SLC22A3: variants seen among roughly 807,000 people sequenced by gnomAD.
SLC22A3 encodes solute carrier family 22 member 3.
Under a neutral mutation model 59.1 loss-of-function variants are expected in SLC22A3, and 51 were observed. The observed-to-expected ratio is 0.86, with a 90% CI of 0.69 to 1.09. SLC22A3 has a LOEUF of 1.09. Ranked by LOEUF, SLC22A3 falls within the 50% of genes least tolerant of loss-of-function variation. The pLI, the probability that SLC22A3 is intolerant of heterozygous loss-of-function variation, is 0.00. For missense variants in SLC22A3, 711 were observed against 726.3 expected, an observed-to-expected ratio of 0.98 and a Z score of 0.24; for synonymous variants, 325 against 292.0, an observed-to-expected ratio of 1.11 and a Z score of -1.15.
At chr6:160,397,366 G>T (rs1244531728) in intron 1 of SLC22A3, among the ~76,000 whole-genome samples, 3 of 151,934 alleles carry the variant, frequency 2.0e-5, no homozygotes, top group Non-Finnish European at 4.4e-5. Context: ...GTGCGGTCTG[G>T]TTCCTAACAG....
intron 9 of SLC22A3, among the ~76,000 whole-genome samples, 153 bp from the exon 10 acceptor site, chr6:160,447,566 G>A (rs1459026064): frequency 6.6e-6 from 1 of 152,164 alleles, no homozygotes; most frequent in African/African-American, 2.4e-5. Flanking sequence ...GCTGTGGTAA[G>A]GGAGAGCTGG....
At chr6:160,426,035 T>C (rs1787938431) in intron 5 of SLC22A3, 46 of 985,318 alleles carry the variant, frequency 4.7e-5, no homozygotes, top group Admixed American at 6.2e-5. Context: ...AACAATGAGT[T>C]ACCATGTGCA....
intron 1 of SLC22A3, among the ~76,000 whole-genome samples, chr6:160,372,594 C>T (rs1334917250): frequency 6.6e-6 from 1 of 151,930 alleles, no homozygotes; most frequent in Non-Finnish European, 1.5e-5. Flanking sequence ...GAGTGTTTTC[C>T]AACTTGGATC....
intron 1 of SLC22A3, among the ~76,000 whole-genome samples, chr6:160,354,424 C>T (rs1288402898): frequency 6.6e-6 from 1 of 152,108 alleles, no homozygotes; most frequent in Non-Finnish European, 1.5e-5. Context: ...ACCCTTAAGC[C>T]AGGTGGGAGT....
chr6:160,404,897 G>C (rs1235703444), intron 2 of SLC22A3, among the ~76,000 whole-genome samples: 1 of 145,528 alleles, frequency 6.9e-6, no homozygotes, highest in Non-Finnish European at 1.5e-5. Flanking sequence ...TCTAGACACA[G>C]ACCTTACACC....
chr6:160,426,819 G>A (rs193301201), intron 5 of SLC22A3, among the ~76,000 whole-genome samples: 168 of 152,260 alleles, frequency 1.1e-3, no homozygotes, highest in Non-Finnish European at 2.0e-3. Context: ...TGGAGTTCAA[G>A]GCCTAGAAGC....
At chr6:160,374,730 G>A (rs1785527347) in intron 1 of SLC22A3, among the ~76,000 whole-genome samples, 1 of 152,148 alleles carries the variant, frequency 6.6e-6, no homozygotes, top group Non-Finnish European at 1.5e-5. Context: ...TGGGGACCTG[G>A]CTTTCCAGTT....
chr6:160,442,961 T>C, intron 8 of SLC22A3, 92 bp downstream of exon 8: 3 of 973,056 alleles, frequency 3.1e-6, no homozygotes, highest in Non-Finnish European at 4.9e-6. Context: ...GTCGTTTCCT[T>C]AGCTCAGTGA....
At chr6:160,354,698 A>G (rs1054999475) in intron 1 of SLC22A3, among the ~76,000 whole-genome samples, 14 of 152,208 alleles carry the variant, frequency 9.2e-5, no homozygotes, top group African/African-American at 3.4e-4. Flanking sequence ...CTGTAGTCCT[A>G]TCTACTCAGA....
chr6:160,412,518 T>C (rs1315197586), intron 5 of SLC22A3, among the ~76,000 whole-genome samples: 1 of 152,308 alleles, frequency 6.6e-6, no homozygotes, highest in African/African-American at 2.4e-5. Flanking sequence ...ATGTCACTGG[T>C]GCAATGGTGC....
chr6:160,358,124 A>G (rs1442038330), intron 1 of SLC22A3, among the ~76,000 whole-genome samples: 1 of 152,208 alleles, frequency 6.6e-6, no homozygotes, highest in Non-Finnish European at 1.5e-5. Context: ...AAAATTATCA[A>G]ATTTTAGATC....
In SLC22A3 at chr6:160,451,089, C is replaced by T. The variant is rs748046115; in HGVS notation, c.*33C>T. The T allele has an allele frequency of 5.7e-6, 9 of 1,570,364 alleles. No homozygotes were observed. The highest frequency in any genetic ancestry group is 1.2e-5 in the South Asian group (1 of 85,546). On this transcript the variant is annotated 3_prime_UTR_variant, in exon 11 of 11. Coordinates refer to ENST00000275300, the MANE Select transcript of SLC22A3 (RefSeq NM_021977.4). ...GACAAAGACAGAAAGAAGGAGCTATCCAGGAGCTGATCCTCCTTGCAAAGC... is the reference window on the plus strand; with the variant it reads ...GACAAAGACAGAAAGAAGGAGCTATTCAGGAGCTGATCCTCCTTGCAAAGC...
At chr6:160,436,367 G>T (rs1788334576) in intron 5 of SLC22A3, among the ~76,000 whole-genome samples, 1 of 152,070 alleles carries the variant, frequency 6.6e-6, no homozygotes, top group Non-Finnish European at 1.5e-5. Context: ...TAATACCTTT[G>T]GTGCTTACTC....
intron 1 of SLC22A3, among the ~76,000 whole-genome samples, chr6:160,368,179 A>G (rs1047840334): frequency 2.0e-5 from 3 of 150,570 alleles, no homozygotes; most frequent in African/African-American, 7.3e-5. Context: ...TTAGCAAACC[A>G]CTCACTCTCC....
At chr6:160,450,901 G>A in intron 10 of SLC22A3, 95 bp from the exon 11 acceptor site, 1 of 1,187,114 alleles carries the variant, frequency 8.4e-7, no homozygotes, top group Non-Finnish European at 1.2e-6. Context: ...GAATGTATTT[G>A]ATCAAAACCA....
At position 160,348,643 on chromosome 6, in the gene SLC22A3, C is replaced by A. The variant is rs1274596007; in HGVS notation, c.224C>A (p.Ala75Glu). ...WSPEEEWNRT[A>E]PASRGPEPPE... is the part of the protein sequence containing the mutation. The stretch of plus-strand genomic sequence containing the variant: ...CCGGAGGAGGAGTGGAACCGCACGG[C>A]GCCCGCCTCCCGCGGCCCAGAGCCC... Residue 75 changes from alanine to glutamate, a missense_variant, in exon 1 of 11, where the codon GCG becomes GAG. Coordinates refer to ENST00000275300, the MANE Select transcript of SLC22A3 (RefSeq NM_021977.4). The A allele has an allele frequency of 1.3e-6, 2 of 1,502,996 alleles. No individual in the cohort carries two copies. Among genetic ancestry groups the A allele is most frequent in the East Asian group, 2.7e-5 (1 of 36,830 alleles). 93.1% of individuals were successfully genotyped at this position (1,502,996 alleles called of 1,614,324 possible). A position where few individuals can be genotyped will look rare whatever the true frequency, so the allele number is the denominator to read the frequency against.
At position 160,348,401 on chromosome 6, in the gene SLC22A3, G is replaced by T. The variant is rs368595370; in HGVS notation, c.-19G>T. 113 of 1,437,892 alleles carry T rather than the reference G, an allele frequency of 7.9e-5. 1 individual carries two copies. In the African/African-American group the frequency reaches 1.5e-3, roughly 19 times the overall value. The allele number at this position is 1,437,892 out of a possible 1,614,324, so 89.1% of individuals were successfully genotyped here. On this transcript the variant is annotated 5_prime_UTR_variant, in exon 1 of 11. Transcript: ENST00000275300. ...TCACTCCGAGGCGCGGGCTGCGGGC[G>T]GCGGGCGGCGGGCGCACCATGCCCT...
chr6:160,348,498 C>G lies in SLC22A3; in HGVS notation c.79C>G (p.Leu27Val), dbSNP rs1212187042. Residue 27 changes from leucine (L) to valine (V), a missense_variant, in exon 1 of 11, where the codon CTG becomes GTG. By Grantham distance (32) the Leu-to-Val change is conservative (BLOSUM62 1). Coordinates refer to ENST00000275300, the MANE Select transcript of SLC22A3 (RefSeq NM_021977.4). ...GAGGCGCGTGTTTTTGCTGCTGTGC[C>G]TGACGGGCGTCACCTTCGCCTTCCT... is the stretch of plus-strand genomic sequence containing the variant. ...FQRRVFLLLC[L>V]TGVTFAFLFV... is the part of the protein sequence containing the mutation. The G allele has an allele frequency of 1.3e-6, 2 of 1,562,272 alleles. No homozygotes were observed. Among genetic ancestry groups the G allele is most frequent in the Non-Finnish European group, 1.7e-6 (2 of 1,161,022 alleles).
chr6:160,361,132 G>C (rs779854486), intron 1 of SLC22A3, among the ~76,000 whole-genome samples: 14 of 152,174 alleles, frequency 9.2e-5, no homozygotes, highest in Non-Finnish European at 2.1e-4. Context: ...AATAAGGATG[G>C]CCTCATAACT....
Sources: allele counts gnomAD v4.1 joint callset (sites outside exome capture counted in the v4.1 genomes callset), GRCh38; gene constraint gnomAD v4.1.1; transcripts MANE v1.5; gene names NCBI Gene and HGNC (gene_info 2026-07-23, HGNC 2026-07-21).